The following BLM variants were observed in gnomAD, a reference collection of about 807,000 sequenced individuals.
BLM encodes recQ-like DNA helicase BLM.
A neutral mutation model predicts 135.3 loss-of-function variants in BLM; 95 were observed. The ratio of observed to expected loss-of-function variants is 0.70; its 90% CI spans 0.59 to 0.83. BLM has a LOEUF of 0.83. Among genes scored for constraint, BLM ranks in the 40% least tolerant of loss-of-function variants. BLM has a pLI of 0.00. For missense variants in BLM, 1,518 were observed against 1,663.9 expected (o/e 0.91, Z 1.53); for synonymous variants, 520 against 589.2 (o/e 0.88, Z 1.70).
intron 1 of BLM, among the ~76,000 whole-genome samples, chr15:90,734,030 T>G (rs998623743): frequency 6.6e-5 from 10 of 152,062 alleles, no homozygotes; most frequent in Admixed American, 3.9e-4. Context: ...TGTATAAAAA[T>G]TATGTAAAAG....
chr15:90,790,974 G>C, intron 15 of BLM, 130 bp downstream of exon 15: 1 of 893,298 alleles, frequency 1.1e-6, no homozygotes, highest in Middle Eastern at 3.4e-4. Flanking sequence ...AGTTTATACA[G>C]ATTGGCAATT....
chr15:90,789,190 C>G (rs376793738), intron 14 of BLM, among the ~76,000 whole-genome samples: 1 of 151,914 alleles, frequency 6.6e-6, no homozygotes, highest in African/African-American at 2.4e-5. Flanking sequence ...GACTTGATCT[C>G]GTTAGATTCA....
intron 4 of BLM, among the ~76,000 whole-genome samples, chr15:90,753,730 A>G (rs1216685591): frequency 1.3e-5 from 2 of 152,262 alleles, no homozygotes; most frequent in East Asian, 3.8e-4. Flanking sequence ...GTGGTCAGAC[A>G]GTATATAACA....
intron 7 of BLM, 74 bp downstream of exon 7, chr15:90,761,329 A>T: frequency 1.8e-6 from 2 of 1,117,508 alleles, no homozygotes; most frequent in African/African-American, 3.2e-5. Flanking sequence ...AAGAAAAACC[A>T]TAGCAAATCA....
At chr15:90,805,122 C>A (rs1897259741) in intron 19 of BLM, among the ~76,000 whole-genome samples, 2 of 149,256 alleles carry the variant, frequency 1.3e-5, no homozygotes, top group Non-Finnish European at 3.0e-5. Context: ...AGGCGTGAGC[C>A]ACCATGCGCG....
At chr15:90,751,097 T>C (rs1415300700) in intron 3 of BLM, among the ~76,000 whole-genome samples, 1 of 152,254 alleles carries the variant, frequency 6.6e-6, no homozygotes, top group Non-Finnish European at 1.5e-5. Context: ...TTTTCCTGGC[T>C]AGATCTTGTA....
chr15:90,745,014 G>C, intron 1 of BLM, among the ~76,000 whole-genome samples: 1 of 152,088 alleles, frequency 6.6e-6, no homozygotes, highest in South Asian at 2.1e-4. Flanking sequence ...CTGCACTCCA[G>C]CCTGGGCAAC....
chr15:90,790,009 TTTTTTTTTTTTTTTG>T (rs1896863245), intron 14 of BLM, among the ~76,000 whole-genome samples: 11 of 131,468 alleles, frequency 8.4e-5, no homozygotes, highest in South Asian at 4.9e-4. Flanking sequence ...TTTTTTTTTT[TTTTTTTTTTTTTTTG>T]GTATAAGTAG....
rs2151158251 is a variant in BLM at position 90,760,819 on chromosome 15, C to T, written c.1446C>T (p.Thr482=). Residue 482 remains threonine (T), a synonymous_variant, in exon 7 of 22, where the codon ACC becomes ACT. Coordinates refer to ENST00000355112, the MANE Select transcript of BLM (RefSeq NM_000057.4). ...TAGGAAAGACAGGATTCTCTGCCAC[C>T]AGGAAGAATCTTTTTGAAAGGCCTT... is the stretch of plus-strand genomic sequence containing the variant. The part of the protein sequence containing the change: ...TTLGKTGFSA[T]RKNLFERPLF... 6.2e-7 allele frequency: 1 copy of T among 1,613,966 alleles called. No individual in the cohort carries two copies.
rs542037645 is a variant in BLM, at chr15:90,759,754, G to A, written c.1088-393G>A. Among the ~76,000 whole-genome samples, 153 of 151,720 alleles carry A rather than the reference G, an allele frequency of 1.0e-3. 1 individual carries two copies. The highest frequency in any genetic ancestry group is 3.5e-3 in the African/African-American group (144 of 41,356). On this transcript the variant is annotated intron_variant, in intron 5 of 21. Coordinates refer to ENST00000355112, the MANE Select transcript of BLM (RefSeq NM_000057.4). ...CCCGAGTAGCTGGGATTACAGACAC[G>A]CACCACCATGCCCGGCTAATTTTTA...
chr15:90,729,181 G>A (rs914221946), intron 1 of BLM, among the ~76,000 whole-genome samples: 3 of 152,038 alleles, frequency 2.0e-5, no homozygotes, highest in Non-Finnish European at 4.4e-5. Flanking sequence ...ATGGTGGTAC[G>A]CGCTTGTAAT....
intron 12 of BLM, among the ~76,000 whole-genome samples, chr15:90,770,808 G>A (rs765733315): frequency 8.5e-5 from 13 of 152,196 alleles, no homozygotes; most frequent in Admixed American, 6.5e-4. Context: ...CTCTTAGAGG[G>A]TTATGAGAAG....
At chr15:90,727,980 T>G (rs899675607) in intron 1 of BLM, among the ~76,000 whole-genome samples, 1 of 152,194 alleles carries the variant, frequency 6.6e-6, no homozygotes, top group Non-Finnish European at 1.5e-5. Flanking sequence ...CGTCTTCCAA[T>G]GTGAATGTGG....
chr15:90,784,766 C>T (rs1896702239), intron 13 of BLM, among the ~76,000 whole-genome samples, 155 bp from the exon 14 acceptor site: 1 of 152,100 alleles, frequency 6.6e-6, no homozygotes, highest in Non-Finnish European at 1.5e-5. Context: ...ACATGAATTC[C>T]TTGCTTGAAT....
chr15:90,788,471 G>GTTTTGTTTTTTTTTTTTTTTTTTT (rs1896809359), intron 14 of BLM, among the ~76,000 whole-genome samples: 1 of 94,994 alleles, frequency 1.1e-5, no homozygotes, highest in African/African-American at 4.0e-5. Context: ...CCAGTGTTTT[G>GTTTTGTTTTTTTTTTTTTTTTTTT]TTTTTTTTTT....
chr15:90,747,264 GTC>G, intron 1 of BLM, 123 bp from the exon 2 acceptor site: 1 of 156,768 alleles, frequency 6.4e-6, no homozygotes, highest in Non-Finnish European at 1.2e-5. Context: ...AAAAAAAAAA[GTC>G]CTATTACTCT....
In BLM at chr15:90,784,921, A is replaced by G; in HGVS notation, c.2663A>G (p.Tyr888Cys). The change falls in exon 14 of 22, where the codon TAT becomes TGT. Residue 888 changes from tyrosine (Y) to cysteine (C), a missense_variant and splice_region_variant. Coordinates refer to ENST00000355112, the MANE Select transcript of BLM (RefSeq NM_000057.4). ...CLEWIRKHHP[Y>C]DSGIIYCLSR... Reference sequence around the variant, plus strand: ...CTCAGTACTCTTGGTTTCTTGGCAGATGATTCAGGGATAATTTACTGCCTC... The same window carrying G: ...CTCAGTACTCTTGGTTTCTTGGCAGGTGATTCAGGGATAATTTACTGCCTC... 6.2e-7 allele frequency: 1 copy of G among 1,612,668 alleles called. No individual in the cohort carries two copies. Among genetic ancestry groups the G allele is most frequent in the Non-Finnish European group, 8.5e-7 (1 of 1,178,972 alleles).
chr15:90,726,813 T>A (rs1280786483), intron 1 of BLM, among the ~76,000 whole-genome samples: 1 of 152,226 alleles, frequency 6.6e-6, no homozygotes, highest in Non-Finnish European at 1.5e-5. Context: ...GTACTATAAT[T>A]TTTTTATTCA....
rs1895968518 is a variant in BLM at position 90,760,999 on chromosome 15, C to G, written c.1626C>G (p.Asp542Glu). ...DQNKHTASIN[D>E]LERETQPSYD... ...ATAAACATACTGCTTCAATAAATGACTTAGAAAGAGAAACCCAACCTTCCT... is the reference window on the plus strand; with the variant it reads ...ATAAACATACTGCTTCAATAAATGAGTTAGAAAGAGAAACCCAACCTTCCT... The change falls in exon 7 of 22, where the codon GAC (aspartate) becomes GAG (glutamate). Residue 542 changes from aspartate (D) to glutamate (E), a missense_variant. Physicochemically the swap from Asp to Glu is conservative, Grantham distance 45. Transcript: ENST00000355112. 6.2e-7 allele frequency: 1 copy of G among 1,608,468 alleles called. No individual in the cohort carries two copies. The highest frequency in any genetic ancestry group is 8.5e-7 in the Non-Finnish European group (1 of 1,178,106).
Sources: gnomAD v4.1 joint callset for allele counts (sites outside exome capture counted in the v4.1 genomes callset) on GRCh38, gnomAD v4.1.1 for gene constraint, MANE v1.5 for transcripts, NCBI Gene and HGNC (gene_info 2026-07-23, HGNC 2026-07-21) for gene names.